Variants in INPP5E observed in about 807,000 individuals in gnomAD.
The protein encoded by INPP5E is inositol polyphosphate-5-phosphatase E, also known as phosphatidylinositol polyphosphate 5-phosphatase type IV.
A neutral mutation model predicts 50.5 loss-of-function variants in INPP5E; 34 were observed. The observed-to-expected ratio is 0.67, with a 90% CI of 0.51 to 0.90. The LOEUF (loss-of-function observed/expected upper bound fraction) is 0.90. Among genes scored for constraint, INPP5E ranks in the 40% least tolerant of loss-of-function variants. The probability of loss-of-function intolerance (pLI) is 0.00; values close to 1 mark genes in which losing one functional copy is unlikely to be tolerated. For synonymous variants in INPP5E, 447 were observed against 406.0 expected (o/e 1.10, Z -1.21); for missense variants, 942 against 905.5 (o/e 1.04, Z -0.52).
chr9:136,432,009 G>A, intron 6 of INPP5E, 24 bp from the exon 7 acceptor site: 1 of 1,612,582 alleles, frequency 6.2e-7, no homozygotes, highest in East Asian at 2.2e-5. Flanking sequence ...GGCCATGTGT[G>A]GGCACAGGCA....
Position 136,438,755 on chromosome 9 carries a change from C to T in INPP5E, c.665G>A (p.Arg222His). 1.9e-6 allele frequency: 3 copies of T among 1,611,556 alleles called. No individual in the cohort carries two copies. Among genetic ancestry groups the T allele is most frequent in the Non-Finnish European group, 2.5e-6 (3 of 1,179,486 alleles). ...VDSDLADYKL[R>H]AQPLLVRAHS... ...GGCCCGCACCAGGAGCGGCTGCGCGCGGAGCTTGTAGTCTGCAAGATCCGA... is the reference window on the plus strand; with the variant it reads ...GGCCCGCACCAGGAGCGGCTGCGCGTGGAGCTTGTAGTCTGCAAGATCCGA... Residue 222 changes from arginine (R) to histidine (H), a missense_variant, in exon 1 of 10, where the codon CGC (arginine) becomes CAC (histidine). Physicochemically the swap from Arg to His is conservative, Grantham distance 29 (BLOSUM62 0). Coordinates refer to ENST00000371712, the MANE Select transcript of INPP5E (RefSeq NM_019892.6).
At chr9:136,433,675 C>T (rs1006078962) in intron 3 of INPP5E, among the ~76,000 whole-genome samples, 8 of 152,236 alleles carry the variant, frequency 5.3e-5, no homozygotes, top group African/African-American at 1.9e-4. Context: ...CTCCGGCTGC[C>T]CTTCTACTCT....
intron 6 of INPP5E, 71 bp downstream of exon 6, chr9:136,432,408 G>C: frequency 1.0e-6 from 1 of 992,856 alleles, no homozygotes. Context: ...CTTCAGAACT[G>C]CCCTAAAAAC....
At position 136,433,191 on chromosome 9, in the gene INPP5E, G is replaced by C; in HGVS notation, c.1123C>G (p.Leu375Val). 1 of 1,593,608 alleles carries C rather than the reference G, an allele frequency of 6.3e-7. No homozygotes were observed. The change falls in exon 4 of 10, where the codon CTC (leucine) becomes GTC (valine). Residue 375 changes from leucine (L) to valine (V), a missense_variant. Coordinates refer to ENST00000371712, the MANE Select transcript of INPP5E (RefSeq NM_019892.6). ...SAAHGVLYMS[L>V]FIRRDLIWFC... ...CAGATGAGGTCCCTGCGGATGAAGA[G>C]CGACATGTAGAGCACGCCGTGGGCC... is the stretch of plus-strand genomic sequence containing the variant.
At chr9:136,432,667 C>T (rs1053409962) in intron 5 of INPP5E, 81 bp from the exon 6 acceptor site, 6 of 1,034,748 alleles carry the variant, frequency 5.8e-6, no homozygotes, top group East Asian at 2.6e-5. Context: ...CTGGACTGTG[C>T]CCTGACTGCG....
intron 3 of INPP5E, among the ~76,000 whole-genome samples, chr9:136,433,669 G>A (rs543330716): frequency 3.9e-5 from 6 of 152,326 alleles, no homozygotes; most frequent in African/African-American, 7.2e-5. Context: ...GCCCTGCTCC[G>A]GCTGCCCTTC....
Position 136,439,026 on chromosome 9 carries a change from AGGGC to A in INPP5E, c.390_393del (p.Pro131AlafsTer2). On this transcript the variant is annotated frameshift_variant, in exon 1 of 10. Transcript: ENST00000371712. LOFTEE classifies it high-confidence loss of function. Reference sequence around the variant, plus strand: ...ATTTCCTGCAAGGAGGTGCTCAGGCAGGGCGGGGAGCAGCTGTGGGCGGGGGCCC... The same window carrying A: ...ATTTCCTGCAAGGAGGTGCTCAGGCAGGGGAGCAGCTGTGGGCGGGGGCCC... 1 of 1,583,994 alleles carries A rather than the reference AGGGC, an allele frequency of 6.3e-7. No individual in the cohort carries two copies. The highest frequency in any genetic ancestry group is 8.6e-7 in the Non-Finnish European group (1 of 1,165,766).
rs780882740 is a variant in INPP5E at position 136,434,050 on chromosome 9, C to T, written c.1021G>A (p.Gly341Ser). 1.4e-5 allele frequency: 22 copies of T among 1,608,890 alleles called. No individual in the cohort carries two copies. The highest frequency in any genetic ancestry group is 1.7e-5 in the Non-Finnish European group (20 of 1,178,784). Residue 341 changes from glycine (G) to serine (S), a missense_variant, in exon 3 of 10, where the codon GGC becomes AGC. Coordinates refer to ENST00000371712, the MANE Select transcript of INPP5E (RefSeq NM_019892.6). The part of the protein sequence containing the change: ...QDLYVIGVQE[G>S]CSDRREWETR... ...CAGCCGCCCTACCTGTCAGAACAGC[C>T]CTCCTGGACCCCGATGACATACAGG...
In INPP5E at chr9:136,439,812, G is replaced by C. The variant is rs1588841744; in HGVS notation, c.-393C>G. ...GGAGGCCCGGCCGCCCAGAAGCGGAGTCAGCCCGGCCGGGACCCAGCAACC... is the reference window on the plus strand; with the variant it reads ...GGAGGCCCGGCCGCCCAGAAGCGGACTCAGCCCGGCCGGGACCCAGCAACC... On this transcript the variant is annotated 5_prime_UTR_variant, in exon 1 of 10. Transcript: ENST00000371712. 1 of 156,654 alleles carries C rather than the reference G, an allele frequency of 6.4e-6. No homozygotes were observed. 9.7% of individuals were successfully genotyped at this position (156,654 alleles called of 1,614,324 possible). A position where few individuals can be genotyped will look rare whatever the true frequency, so the allele number is the denominator to read the frequency against.
intron 7 of INPP5E, 86 bp from the exon 8 acceptor site, chr9:136,431,203 C>T: frequency 2.6e-6 from 2 of 764,032 alleles, no homozygotes; most frequent in Non-Finnish European, 4.4e-6. Context: ...TCATCTCCCA[C>T]CACGCCCACC....
Position 136,439,414 on chromosome 9 carries a change from C to A in INPP5E, c.6G>T (p.Pro2=), listed in dbSNP as rs761850172. 15 of 1,464,872 alleles carry A rather than the reference C, an allele frequency of 1.0e-5. No individual in the cohort carries two copies. The highest frequency in any genetic ancestry group is 2.4e-4 in the Middle Eastern group (1 of 4,208). The allele number at this position is 1,464,872 out of a possible 1,614,324, so 90.7% of individuals were successfully genotyped here. The part of the protein sequence containing the change: M[P]SKAENLRPSE... ...AGGGCCGCAGATTCTCCGCCTTGGA[C>A]GGCATGGACGGTCTCTCCCGGGGCA... Residue 2 remains proline, a synonymous_variant, in exon 1 of 10, where the codon CCG becomes CCT. Transcript: ENST00000371712.
rs142236648 is a variant in INPP5E at position 136,432,285 on chromosome 9, C to T, written c.1387+194G>A. Among the ~76,000 whole-genome samples the T allele has an allele frequency of 3.6e-3, 552 of 152,266 alleles. 2 individuals are homozygous for T. Among genetic ancestry groups the T allele is most frequent in the South Asian group, 5.2e-3 (25 of 4,834 alleles). ...CAGGACCCAGGCTAGTGGGCCACGC[C>T]GAGTGGACAGGATCCGCCCACCCCA... On this transcript the variant is annotated intron_variant, in intron 6 of 9. Transcript: ENST00000371712.
chr9:136,432,684 C>T (rs1224342003), intron 5 of INPP5E, 98 bp from the exon 6 acceptor site: 11 of 961,118 alleles, frequency 1.1e-5, no homozygotes, highest in Non-Finnish European at 1.6e-5. Context: ...TGCGCACCCC[C>T]GGCAGACGCA....
At position 136,439,026 on chromosome 9, in the gene INPP5E, A is replaced by AGGGCGGGGAGCAGCTGT; in HGVS notation, c.377_393dup (p.Cys132ThrfsTer8). The AGGGCGGGGAGCAGCTGT allele has an allele frequency of 6.3e-7, 1 of 1,583,994 alleles. No individual in the cohort carries two copies. Among genetic ancestry groups the AGGGCGGGGAGCAGCTGT allele is most frequent in the African/African-American group, 1.3e-5 (1 of 74,668 alleles). ...ATTTCCTGCAAGGAGGTGCTCAGGC[A>AGGGCGGGGAGCAGCTGT]GGGCGGGGAGCAGCTGTGGGCGGGG... is the stretch of plus-strand genomic sequence containing the variant. On this transcript the variant is annotated frameshift_variant, in exon 1 of 10. Transcript: ENST00000371712. LOFTEE classifies it high-confidence loss of function.
Position 136,439,493 on chromosome 9 carries a change from G to T in INPP5E, c.-74C>A. 2 of 1,155,948 alleles carry T rather than the reference G, an allele frequency of 1.7e-6. No homozygotes were observed. The highest frequency in any genetic ancestry group is 2.1e-5 in the South Asian group (1 of 46,698). The allele number at this position is 1,155,948 out of a possible 1,614,324, so 71.6% of individuals were successfully genotyped here. On this transcript the variant is annotated 5_prime_UTR_variant, in exon 1 of 10. Coordinates refer to ENST00000371712, the MANE Select transcript of INPP5E (RefSeq NM_019892.6). ...GAGGGGTCACGGGTGCCGGGTCCGG[G>T]GTCGCCGGCGCAGCGAGGAGCAGAA...
At chr9:136,432,447 G>A (rs754818846) in intron 6 of INPP5E, 32 bp downstream of exon 6, 4 of 1,424,828 alleles carry the variant, frequency 2.8e-6, no homozygotes, top group Non-Finnish European at 2.9e-6. Context: ...AACCACGGCG[G>A]CACCACCCAC....
At chr9:136,434,259 C>T in intron 2 of INPP5E, 125 bp from the exon 3 acceptor site, 1 of 714,904 alleles carries the variant, frequency 1.4e-6, no homozygotes, top group Non-Finnish European at 2.4e-6. Flanking sequence ...GAGGCCAGGG[C>T]CAAAAAGGGA....
chr9:136,433,061 T>G lies in INPP5E; in HGVS notation c.1174A>C (p.Thr392Pro). Reference protein sequence around the residue: ...IWFCSEVECSTVTTRIVSQIK... With the variant: ...IWFCSEVECSPVTTRIVSQIK... Reference sequence around the variant, plus strand: ...TGAGACACGATGCGTGTGGTCACCGTGGAGCACTCCACCTCTGTGGGAGGG... The same window carrying G: ...TGAGACACGATGCGTGTGGTCACCGGGGAGCACTCCACCTCTGTGGGAGGG... Residue 392 changes from threonine (T) to proline (P), a missense_variant, in exon 5 of 10, where the codon ACG becomes CCG. By Grantham distance (38) the Thr-to-Pro change is conservative (BLOSUM62 -1). Transcript: ENST00000371712. The G allele has an allele frequency of 6.2e-7, 1 of 1,612,378 alleles. No individual in the cohort carries two copies. Among genetic ancestry groups the G allele is most frequent in the Non-Finnish European group, 8.5e-7 (1 of 1,179,830 alleles).
In INPP5E at chr9:136,430,458, A is replaced by G. The variant is rs755705856; in HGVS notation, c.1666-45T>C. 7 of 1,550,426 alleles carry G rather than the reference A, an allele frequency of 4.5e-6. No homozygotes were observed. The South Asian group carries it at 8.3e-5, about 18-fold the overall frequency. ...GCAGGAGGTCCAGTTACTTGTGAGG[A>G]GCCGTGGGGCGTGGCCCGCTCACCT... is the stretch of plus-strand genomic sequence containing the variant. On this transcript the variant is annotated intron_variant, in intron 8 of 9. Transcript: ENST00000371712.
Sources: allele counts gnomAD v4.1 joint callset (sites outside exome capture counted in the v4.1 genomes callset), GRCh38; gene constraint gnomAD v4.1.1; transcripts MANE v1.5; gene names NCBI Gene and HGNC (gene_info 2026-07-23, HGNC 2026-07-21).